Variants in C12orf50 observed in about 807,000 individuals in gnomAD.
C12orf50 encodes zinc finger CCCH-type containing 11D, also known as uncharacterized protein C12orf50.
C12orf50 carries 35 observed loss-of-function variants against 61.6 expected under a neutral mutation model. The ratio of observed to expected loss-of-function variants is 0.57; its 90% CI spans 0.43 to 0.75. C12orf50 has a LOEUF of 0.75. C12orf50 is among the 30% of genes least tolerant of loss of function. The pLI is 0.00. For missense variants in C12orf50, 475 were observed against 488.5 expected, an observed-to-expected ratio of 0.97 and a Z score of 0.26; for synonymous variants, 178 against 161.5, an observed-to-expected ratio of 1.10 and a Z score of -0.77.
At chr12:88,011,532 A>T (rs1370293146) in intron 3 of C12orf50, among the ~76,000 whole-genome samples, 1 of 152,214 alleles carries the variant, frequency 6.6e-6, no homozygotes, top group East Asian at 1.9e-4. Flanking sequence ...AATCTGTTAA[A>T]TGTCTAAAAC....
Position 87,983,159 on chromosome 12 carries a change from C to A in C12orf50, c.1163G>T (p.Trp388Leu). The A allele has an allele frequency of 6.2e-7, 1 of 1,604,244 alleles. No individual in the cohort carries two copies. The highest frequency in any genetic ancestry group is 8.5e-7 in the Non-Finnish European group (1 of 1,173,890). ...YTSTSYNDSA[W>L]RKRIPFSKTY... ...TTTTGAAAAAGGAATTCGTTTTCGCCAGGCTGAATCATTATATGATGTTGA... is the reference window on the plus strand; with the variant it reads ...TTTTGAAAAAGGAATTCGTTTTCGCAAGGCTGAATCATTATATGATGTTGA... Residue 388 changes from tryptophan (W) to leucine (L), a missense_variant, in exon 12 of 13, where the codon TGG (tryptophan) becomes TTG (leucine). Coordinates refer to ENST00000298699, the MANE Select transcript of C12orf50 (RefSeq NM_152589.3).
At chr12:87,997,784 A>C (rs892142682) in intron 4 of C12orf50, among the ~76,000 whole-genome samples, 1 of 152,138 alleles carries the variant, frequency 6.6e-6, no homozygotes, top group Non-Finnish European at 1.5e-5. Context: ...GTGTATATGA[A>C]GCACCTAAAT....
At chr12:88,012,655 G>A (rs959396493) in intron 3 of C12orf50, among the ~76,000 whole-genome samples, 1 of 152,114 alleles carries the variant, frequency 6.6e-6, no homozygotes, top group African/African-American at 2.4e-5. Context: ...GATCTTCTTT[G>A]TACTATTTTT....
intron 3 of C12orf50, among the ~76,000 whole-genome samples, chr12:88,000,631 A>G (rs1228529575): frequency 1.3e-5 from 2 of 151,992 alleles, no homozygotes; most frequent in South Asian, 2.1e-4. Flanking sequence ...ATCAATTTGG[A>G]GAATACTGGC....
At chr12:88,003,600 G>A (rs183348049) in intron 3 of C12orf50, among the ~76,000 whole-genome samples, 64 of 152,036 alleles carry the variant, frequency 4.2e-4, no homozygotes, top group South Asian at 1.2e-3. Flanking sequence ...AAAGATTCTC[G>A]ATTGCCACAA....
At chr12:87,999,208 A>C (rs2136436739) in intron 3 of C12orf50, among the ~76,000 whole-genome samples, 1 of 152,176 alleles carries the variant, frequency 6.6e-6, no homozygotes, top group South Asian at 2.1e-4. Context: ...AAGGTGACAC[A>C]GAAAGAATAA....
intron 3 of C12orf50, among the ~76,000 whole-genome samples, chr12:88,024,484 T>C (rs559417187): frequency 6.6e-6 from 1 of 152,288 alleles, no homozygotes; most frequent in Admixed American, 6.5e-5. Context: ...TGCAAGAACA[T>C]TGATGGAGCT....
Position 87,996,580 on chromosome 12 carries a change from C to A in C12orf50, c.356G>T (p.Cys119Phe). Residue 119 changes from cysteine to phenylalanine, a missense_variant, in exon 5 of 13, where the codon TGT becomes TTT. Physicochemically the swap from Cys to Phe is radical, Grantham distance 205 (BLOSUM62 -2). Coordinates refer to ENST00000298699, the MANE Select transcript of C12orf50 (RefSeq NM_152589.3). The stretch of plus-strand genomic sequence containing the variant: ...GTTTGATTTCTTACCAGATTTATAA[C>A]ACATCTCCTTTATTGCTCTTTTTTC... ...IEEKRAIKEM[C>F]YKSGEYYRFH... The A allele has an allele frequency of 6.2e-7, 1 of 1,608,582 alleles. No individual in the cohort carries two copies. Among genetic ancestry groups the A allele is most frequent in the Non-Finnish European group, 8.5e-7 (1 of 1,175,408 alleles).
At chr12:88,014,807 G>A (rs113627285) in intron 3 of C12orf50, among the ~76,000 whole-genome samples, 121 of 152,250 alleles carry the variant, frequency 7.9e-4, no homozygotes, top group Middle Eastern at 6.8e-3. Flanking sequence ...GCTGCCACAC[G>A]TAATACACTT....
chr12:88,028,799 C>T (rs1184303094), intron 1 of C12orf50, among the ~76,000 whole-genome samples: 1 of 152,018 alleles, frequency 6.6e-6, no homozygotes, highest in African/African-American at 2.4e-5. Context: ...AAAAGTGCCA[C>T]ATGAAGATTC....
chr12:88,022,367 C>A (rs1304283098), intron 3 of C12orf50, among the ~76,000 whole-genome samples: 1 of 151,902 alleles, frequency 6.6e-6, no homozygotes, highest in Non-Finnish European at 1.5e-5. Context: ...ATAATAAGAC[C>A]CATCTATGTA....
At chr12:87,985,670 T>G in intron 11 of C12orf50, 180 bp downstream of exon 11, 1 of 648,250 alleles carries the variant, frequency 1.5e-6, no homozygotes, top group Admixed American at 2.9e-5. Flanking sequence ...TTCTTCCATA[T>G]CCTTTAAATC....
intron 11 of C12orf50, chr12:87,984,455 G>T (rs1210470118): frequency 6.6e-6 from 1 of 152,040 alleles, no homozygotes; most frequent in African/African-American, 2.4e-5. Context: ...GTTTATTAGA[G>T]CTTTTATTTA....
rs1190287661 is a variant in C12orf50 at position 87,998,078 on chromosome 12, T to C, written c.246A>G (p.Leu82=). ...ISRPIHHPLV[L]KTNFEEEEEV... ...CCTCTTCTTCCTCAAAATTAGTTTT[T>C]AAAACTAAAGGATGGTGGATGGGTC... Residue 82 remains leucine (L), a synonymous_variant, in exon 4 of 13, where the codon TTA becomes TTG. Coordinates refer to ENST00000298699, the MANE Select transcript of C12orf50 (RefSeq NM_152589.3). The C allele has an allele frequency of 1.9e-6, 3 of 1,612,534 alleles. No individual in the cohort carries two copies. Among genetic ancestry groups the C allele is most frequent in the Non-Finnish European group, 2.5e-6 (3 of 1,179,320 alleles).
chr12:87,985,726 G>A (rs2030774056), intron 11 of C12orf50, 124 bp downstream of exon 11: 1 of 882,030 alleles, frequency 1.1e-6, no homozygotes, highest in Non-Finnish European at 1.8e-6. Context: ...TAGTTTCTAT[G>A]GTGGTGATGG....
intron 3 of C12orf50, among the ~76,000 whole-genome samples, chr12:88,016,420 G>T (rs1207505929): frequency 2.6e-5 from 4 of 152,162 alleles, no homozygotes; most frequent in Non-Finnish European, 5.9e-5. Context: ...ATGGGCATTG[G>T]TAGATAGAAG....
chr12:88,018,945 G>A, intron 3 of C12orf50, among the ~76,000 whole-genome samples: 1 of 152,180 alleles, frequency 6.6e-6, no homozygotes, highest in East Asian at 1.9e-4. Context: ...CAGGCAGAAG[G>A]GACTTGCCTT....
chr12:88,007,193 A>G (rs2031918087), intron 3 of C12orf50, among the ~76,000 whole-genome samples: 1 of 152,202 alleles, frequency 6.6e-6, no homozygotes, highest in South Asian at 2.1e-4. Flanking sequence ...AAACCCATAG[A>G]TACAATTTTC....
chr12:87,993,245 T>G (rs781432329), intron 7 of C12orf50, among the ~76,000 whole-genome samples: 11 of 152,242 alleles, frequency 7.2e-5, no homozygotes, highest in Non-Finnish European at 1.5e-4. Flanking sequence ...AAGGAAAGTT[T>G]ATTTTTATAT....
Sources: allele counts gnomAD v4.1 joint callset (sites outside exome capture counted in the v4.1 genomes callset), GRCh38; gene constraint gnomAD v4.1.1; transcripts MANE v1.5; gene names NCBI Gene and HGNC (gene_info 2026-07-23, HGNC 2026-07-21).